The following PRLR variants were observed in gnomAD, a reference collection of about 807,000 sequenced individuals.
PRLR encodes the protein prolactin receptor.
PRLR carries 13 observed loss-of-function variants against 40.2 expected under a neutral mutation model. That is an observed-to-expected ratio of 0.32 (90% CI 0.21 to 0.51). The LOEUF (loss-of-function observed/expected upper bound fraction) is 0.51. Among genes scored for constraint, PRLR ranks in the 20% least tolerant of loss-of-function variants. The probability of loss-of-function intolerance (pLI) is 0.97; values close to 1 mark genes in which losing one functional copy is unlikely to be tolerated. For synonymous variants in PRLR, 269 were observed against 278.7 expected (o/e 0.97, Z 0.35); for missense variants, 656 against 747.3 (o/e 0.88, Z 1.42).
Position 35,221,419 on chromosome 5 carries a change from C to CTATAGAAGTAG in PRLR, c.-106+8838_-106+8848dup, listed in dbSNP as rs1221500294. ...TGAGGCTACTGAGTGTGAGGTCTCT[C>CTATAGAAGTAG]TATAGAAGTAGCAAACTTAAATTAT... On this transcript the variant is annotated intron_variant, in intron 1 of 9. Coordinates refer to ENST00000618457, the MANE Select transcript of PRLR (RefSeq NM_000949.7). Among the ~76,000 whole-genome samples, 3 of 152,114 alleles carry CTATAGAAGTAG rather than the reference C, an allele frequency of 2.0e-5. No homozygotes were observed. The East Asian group carries it at 5.8e-4, about 29-fold the overall frequency.
At position 35,080,078 on chromosome 5, in the gene PRLR, A is replaced by G. The variant is rs559742233; in HGVS notation, c.373+4392T>C. ...ACTTAAATGTTAGACCTAAAACCATAAAAAAATCTAGAAGAAAACCTAGGC... is the reference window on the plus strand; with the variant it reads ...ACTTAAATGTTAGACCTAAAACCATGAAAAAATCTAGAAGAAAACCTAGGC... On this transcript the variant is annotated intron_variant, in intron 5 of 9. Transcript: ENST00000618457. Among the ~76,000 whole-genome samples the G allele has an allele frequency of 3.3e-5, 5 of 152,334 alleles. No homozygotes were observed. The South Asian group carries it at 6.2e-4, about 19-fold the overall frequency.
intron 1 of PRLR, among the ~76,000 whole-genome samples, chr5:35,139,279 C>T (rs528126205): frequency 2.6e-5 from 4 of 152,152 alleles, no homozygotes; most frequent in South Asian, 4.2e-4. Flanking sequence ...GGATTACAGT[C>T]GTGCGCCACC....
rs1771958828 is a variant in PRLR at position 35,102,504 on chromosome 5, T to TCCTCTCCTCC, written c.-43-12842_-43-12841insGGAGGAGAGG. On this transcript the variant is annotated intron_variant, in intron 2 of 9. Coordinates refer to ENST00000618457, the MANE Select transcript of PRLR (RefSeq NM_000949.7). ...CCGTCCCGTCTCCTCTCCACTCCTCTCCTCTCCTCTCCTCTCCTCTCCTCT... is the reference window on the plus strand; with the variant it reads ...CCGTCCCGTCTCCTCTCCACTCCTCTCCTCTCCTCCCCTCTCCTCTCCTCTCCTCTCCTCT... 2.6e-5 allele frequency among the ~76,000 whole-genome samples: 3 copies of TCCTCTCCTCC among 117,456 alleles called. No individual in the cohort carries two copies. The Admixed American group carries it at 2.6e-4, about 10-fold the overall frequency. The allele number at this position is 117,456 out of a possible 152,430, so 77.1% of individuals were successfully genotyped here. A position where few individuals can be genotyped will look rare whatever the true frequency, so the allele number is the denominator to read the frequency against.
At chr5:35,185,445 T>C (rs1197336745) in intron 1 of PRLR, among the ~76,000 whole-genome samples, 1 of 151,696 alleles carries the variant, frequency 6.6e-6, no homozygotes, top group East Asian at 1.9e-4. Context: ...AAAAAAAGCT[T>C]CCAAATGAGT....
At chr5:35,080,390 A>G (rs1165502607) in intron 5 of PRLR, among the ~76,000 whole-genome samples, 2 of 152,250 alleles carry the variant, frequency 1.3e-5, no homozygotes, top group Non-Finnish European at 1.5e-5. Flanking sequence ...GGATATGAAC[A>G]GACACTTCTC....
intron 1 of PRLR, among the ~76,000 whole-genome samples, chr5:35,185,872 A>G (rs1389917140): frequency 6.6e-6 from 1 of 152,204 alleles, no homozygotes; most frequent in African/African-American, 2.4e-5. Flanking sequence ...CTTTCTGTTC[A>G]GACTATGGGG....
intron 1 of PRLR, among the ~76,000 whole-genome samples, chr5:35,207,613 A>C (rs1047255031): frequency 2.4e-5 from 3 of 127,086 alleles, no homozygotes; most frequent in Non-Finnish European, 5.1e-5. Context: ...CCAATGGGAG[A>C]TTGTGTGTGT....
At chr5:35,155,072 G>T (rs1774448371) in intron 1 of PRLR, among the ~76,000 whole-genome samples, 3 of 150,114 alleles carry the variant, frequency 2.0e-5, no homozygotes, top group African/African-American at 7.6e-5. Flanking sequence ...GAGGATCTGT[G>T]CAGCAAACCA....
At chr5:35,140,049 T>C (rs986046983) in intron 1 of PRLR, among the ~76,000 whole-genome samples, 2 of 152,224 alleles carry the variant, frequency 1.3e-5, no homozygotes, top group Non-Finnish European at 2.9e-5. Context: ...AATTTTCCAA[T>C]TGACCTCAAG....
intron 1 of PRLR, among the ~76,000 whole-genome samples, chr5:35,229,011 G>C (rs1230396143): frequency 6.6e-6 from 1 of 151,770 alleles, no homozygotes; most frequent in Non-Finnish European, 1.5e-5. Context: ...TTCTCAAAAG[G>C]ACCTATCACC....
intron 1 of PRLR, among the ~76,000 whole-genome samples, chr5:35,173,394 C>G (rs77412730): frequency 0.025 from 3,776 of 152,262 alleles, 156 homozygotes; most frequent in African/African-American, 0.087. Flanking sequence ...TTCTCTTCCT[C>G]AGCCTTGATC....
At chr5:35,196,535 C>A (rs1232085315) in intron 1 of PRLR, among the ~76,000 whole-genome samples, 4 of 152,156 alleles carry the variant, frequency 2.6e-5, no homozygotes, top group African/African-American at 9.7e-5. Flanking sequence ...AAACATAGGG[C>A]AGGGGACAGG....
chr5:35,177,924 C>T (rs1775190969), intron 1 of PRLR, among the ~76,000 whole-genome samples: 1 of 151,668 alleles, frequency 6.6e-6, no homozygotes, highest in Admixed American at 6.6e-5. Context: ...GCATGTCTAC[C>T]AATAGTGTAT....
At chr5:35,182,976 C>T (rs1775331115) in intron 1 of PRLR, among the ~76,000 whole-genome samples, 1 of 152,226 alleles carries the variant, frequency 6.6e-6, no homozygotes, top group African/African-American at 2.4e-5. Flanking sequence ...TCTTGTTTAC[C>T]CACTTTTAAA....
intron 1 of PRLR, among the ~76,000 whole-genome samples, chr5:35,143,843 A>G (rs539539471): frequency 6.6e-6 from 1 of 152,308 alleles, no homozygotes; most frequent in South Asian, 2.1e-4. Flanking sequence ...CTAAGTTTAT[A>G]AAACAGATTT....
chr5:35,123,605 G>A (rs912931545), intron 1 of PRLR, among the ~76,000 whole-genome samples: 2 of 152,176 alleles, frequency 1.3e-5, no homozygotes, highest in Non-Finnish European at 2.9e-5. Flanking sequence ...GGGAGCAAGG[G>A]ATTTTGAGTC....
At chr5:35,176,551 C>T (rs1775153775) in intron 1 of PRLR, among the ~76,000 whole-genome samples, 1 of 152,238 alleles carries the variant, frequency 6.6e-6, no homozygotes, top group South Asian at 2.1e-4. Flanking sequence ...TGTGCTGTGT[C>T]AAACTCAGAG....
At chr5:35,073,480 A>G (rs1769878610) in intron 5 of PRLR, among the ~76,000 whole-genome samples, 1 of 152,234 alleles carries the variant, frequency 6.6e-6, no homozygotes, top group South Asian at 2.1e-4. Context: ...CTATCTCTGC[A>G]TCGTTTCTTA....
chr5:35,147,549 G>A (rs1235906173), intron 1 of PRLR, among the ~76,000 whole-genome samples: 1 of 152,176 alleles, frequency 6.6e-6, no homozygotes, highest in African/African-American at 2.4e-5. Flanking sequence ...TGGGACTCAT[G>A]ATAGCTAAAA....
Sources: allele counts gnomAD v4.1 joint callset (sites outside exome capture counted in the v4.1 genomes callset), GRCh38; gene constraint gnomAD v4.1.1; transcripts MANE v1.5; gene names NCBI Gene and HGNC (gene_info 2026-07-23, HGNC 2026-07-21).